RBFOX1: variants seen among roughly 807,000 people sequenced by gnomAD.
The protein encoded by RBFOX1 is RNA binding fox-1 homolog 1, also known as RNA binding protein fox-1 homolog 1.
In RBFOX1, 8 loss-of-function variants were observed where a neutral mutation model predicts 57.7. The ratio of observed to expected loss-of-function variants is 0.14; its 90% CI spans 0.08 to 0.25. RBFOX1 has a LOEUF of 0.25. RBFOX1 is among the 10% of genes least tolerant of loss of function. The pLI, the probability that RBFOX1 is intolerant of heterozygous loss-of-function variation, is 1.00. For synonymous variants in RBFOX1, 326 were observed against 222.4 expected, an observed-to-expected ratio of 1.47 and a Z score of -4.15; for missense variants, 611 against 548.5, an observed-to-expected ratio of 1.11 and a Z score of -1.14.
intron 11 of RBFOX1, among the ~76,000 whole-genome samples, chr16:7,634,085 C>T (rs1188803134): frequency 6.6e-6 from 1 of 152,198 alleles, no homozygotes; most frequent in African/African-American, 2.4e-5. Context: ...CTGAGAGTCA[C>T]ATATTTTATC....
chr16:5,360,476 A>G (rs919580425), intron 1 of RBFOX1, among the ~76,000 whole-genome samples: 4 of 152,230 alleles, frequency 2.6e-5, no homozygotes, highest in African/African-American at 4.8e-5. Flanking sequence ...CATCACCTAC[A>G]TGCACAGGTA....
At chr16:5,770,859 C>T (rs1034157854) in intron 3 of RBFOX1, among the ~76,000 whole-genome samples, 23 of 152,336 alleles carry the variant, frequency 1.5e-4, no homozygotes, top group Admixed American at 4.6e-4. Flanking sequence ...TTGATCACGG[C>T]ACTCTTTTTC....
intron 4 of RBFOX1, among the ~76,000 whole-genome samples, chr16:5,984,792 C>CT (rs1385559841): frequency 6.6e-6 from 1 of 151,820 alleles, no homozygotes; most frequent in Admixed American, 6.6e-5. Flanking sequence ...CCTTTTGCTC[C>CT]TAGGCTACAA....
At chr16:6,163,432 G>T (rs1170046661) in intron 1 of RBFOX1, among the ~76,000 whole-genome samples, 3 of 152,216 alleles carry the variant, frequency 2.0e-5, no homozygotes, top group Non-Finnish European at 2.9e-5. Flanking sequence ...GTTCATTGTT[G>T]TTATAGCCCT....
chr16:5,274,885 A>T (rs1297757194), intron 1 of RBFOX1, among the ~76,000 whole-genome samples: 1 of 152,172 alleles, frequency 6.6e-6, no homozygotes, highest in Non-Finnish European at 1.5e-5. Context: ...ATCCAGGAGG[A>T]GGAAGCCTCA....
At chr16:7,057,064 A>C (rs2052555108) in intron 4 of RBFOX1, among the ~76,000 whole-genome samples, 1 of 151,706 alleles carries the variant, frequency 6.6e-6, no homozygotes, top group East Asian at 1.9e-4. Flanking sequence ...ATACTCAACA[A>C]GGTGAGCTAC....
chr16:7,224,112 G>A (rs1448721224), intron 4 of RBFOX1, among the ~76,000 whole-genome samples: 1 of 100,524 alleles, frequency 9.9e-6, no homozygotes, highest in Non-Finnish European at 1.8e-5. Context: ...TTTCTATCCT[G>A]ATTCTTCCTT....
At chr16:5,595,837 C>T (rs2047162223) in intron 2 of RBFOX1, among the ~76,000 whole-genome samples, 2 of 152,130 alleles carry the variant, frequency 1.3e-5, no homozygotes, top group Non-Finnish European at 2.9e-5. Context: ...TCAGATAGCA[C>T]AGGGACTGCG....
intron 2 of RBFOX1, among the ~76,000 whole-genome samples, chr16:6,415,856 G>T (rs2093610966): frequency 6.6e-6 from 1 of 152,184 alleles, no homozygotes; most frequent in Admixed American, 6.5e-5. Context: ...GTCTCTATCG[G>T]TGTGAAAAAT....
intron 2 of RBFOX1, among the ~76,000 whole-genome samples, chr16:5,540,957 G>C (rs5012828): frequency 0.83 from 125,596 of 152,132 alleles, 52,631 homozygotes; most frequent in East Asian, 0.99. Context: ...TCATGTGATT[G>C]TCCTGCCTCA....
intron 1 of RBFOX1, among the ~76,000 whole-genome samples, chr16:5,442,655 G>C (rs533762682): frequency 6.6e-6 from 1 of 152,260 alleles, no homozygotes; most frequent in East Asian, 1.9e-4. Flanking sequence ...TAGAGTGGTT[G>C]TATCTATTTC....
chr16:6,839,349 C>T (rs772253118), intron 3 of RBFOX1, among the ~76,000 whole-genome samples: 3 of 152,226 alleles, frequency 2.0e-5, no homozygotes, highest in Non-Finnish European at 2.9e-5. Flanking sequence ...ATTAACCCCA[C>T]TGACTCCATC....
chr16:6,184,979 G>A (rs1388454867), intron 1 of RBFOX1, among the ~76,000 whole-genome samples: 1 of 152,178 alleles, frequency 6.6e-6, no homozygotes, highest in African/African-American at 2.4e-5. Context: ...AAGAGGAATT[G>A]CAGGTTTACA....
chr16:5,653,888 G>A (rs950949266), intron 3 of RBFOX1, among the ~76,000 whole-genome samples: 32 of 152,254 alleles, frequency 2.1e-4, no homozygotes, highest in Middle Eastern at 3.4e-3. Context: ...GGCTGCTCTC[G>A]GCCCCTGAAA....
intron 4 of RBFOX1, among the ~76,000 whole-genome samples, chr16:7,379,658 G>C (rs1366669590): frequency 6.6e-6 from 1 of 152,136 alleles, no homozygotes; most frequent in Admixed American, 6.6e-5. Context: ...GAGGGTTTTA[G>C]ACAGGGTATT....
intron 4 of RBFOX1, among the ~76,000 whole-genome samples, chr16:7,389,324 C>T (rs552265926): frequency 6.6e-6 from 1 of 152,202 alleles, no homozygotes; most frequent in South Asian, 2.1e-4. Context: ...CGAGGTCTTG[C>T]CATGTAGCCC....
At chr16:6,111,237 A>G (rs1305998574) in intron 1 of RBFOX1, among the ~76,000 whole-genome samples, 1 of 152,210 alleles carries the variant, frequency 6.6e-6, no homozygotes, top group African/African-American at 2.4e-5. Context: ...ATCAGTCAGA[A>G]CAGAAATGCA....
chr16:7,684,507 C>T (rs112132426), intron 14 of RBFOX1, among the ~76,000 whole-genome samples: 3,406 of 151,884 alleles, frequency 0.022, 55 homozygotes, highest in Non-Finnish European at 0.033. Context: ...CAAATATTCT[C>T]GTAATTATCC....
At chr16:6,375,413 T>C (rs1447824385) in intron 2 of RBFOX1, among the ~76,000 whole-genome samples, 2 of 105,322 alleles carry the variant, frequency 1.9e-5, no homozygotes, top group African/African-American at 6.5e-5. Context: ...AGCTCTAGAG[T>C]ATTTTTTTTT....
Sources: gnomAD v4.1 joint callset for allele counts (sites outside exome capture counted in the v4.1 genomes callset) on GRCh38, gnomAD v4.1.1 for gene constraint, MANE v1.5 for transcripts, NCBI Gene and HGNC (gene_info 2026-07-23, HGNC 2026-07-21) for gene names.